CTCF: variants seen among roughly 807,000 people sequenced by gnomAD.
CTCF encodes the protein transcriptional repressor CTCF.
In CTCF, 7 loss-of-function variants were observed where a neutral mutation model predicts 72.3. The observed-to-expected ratio is 0.10, with a 90% confidence interval of 0.06 to 0.18. CTCF has a LOEUF of 0.18. CTCF is among the 10% of genes least tolerant of loss of function. CTCF has a pLI of 1.00. For synonymous variants in CTCF, 374 were observed against 315.8 expected, an observed-to-expected ratio of 1.18 and a Z score of -1.95; for missense variants, 516 against 949.1, an observed-to-expected ratio of 0.54 and a Z score of 6.00.
chr16:67,624,119 GTGTGTGTATA>G (rs2052247585), intron 7 of CTCF, among the ~76,000 whole-genome samples: 1 of 121,802 alleles, frequency 8.2e-6, no homozygotes, highest in East Asian at 2.1e-4. Flanking sequence ...GTGTGTGTAT[GTGTGTGTATA>G]TATATGTGTG....
intron 7 of CTCF, among the ~76,000 whole-genome samples, chr16:67,621,800 A>AC (rs2052202933): frequency 7.3e-6 from 1 of 137,240 alleles, no homozygotes; most frequent in Non-Finnish European, 1.5e-5. Flanking sequence ...TAGTCAGGCC[A>AC]CAAGATTCTG....
chr16:67,593,676 A>G (rs1320924329), intron 2 of CTCF, among the ~76,000 whole-genome samples: 1 of 152,126 alleles, frequency 6.6e-6, no homozygotes, highest in Non-Finnish European at 1.5e-5. Flanking sequence ...CTGCTAATGT[A>G]TTTCTTACCA....
intron 2 of CTCF, among the ~76,000 whole-genome samples, chr16:67,604,730 G>GTTTTTTTTT (rs533827293): frequency 2.3e-4 from 28 of 123,708 alleles, no homozygotes; most frequent in East Asian, 4.4e-4. Context: ...TTTCACCAGG[G>GTTTTTTTTT]TTTTTTTTTT....
At chr16:67,571,851 A>G (rs1336464111) in intron 2 of CTCF, among the ~76,000 whole-genome samples, 1 of 152,190 alleles carries the variant, frequency 6.6e-6, no homozygotes, top group African/African-American at 2.4e-5. Flanking sequence ...TTTTTGCTAT[A>G]AAATATAATG....
intron 2 of CTCF, among the ~76,000 whole-genome samples, chr16:67,575,334 G>A (rs558222822): frequency 6.6e-6 from 1 of 152,154 alleles, no homozygotes; most frequent in Non-Finnish European, 1.5e-5. Context: ...CACTTTGGGA[G>A]GATGAATTTT....
intron 10 of CTCF, 140 bp from the exon 11 acceptor site, chr16:67,636,545 CAAAAA>C: frequency 6.7e-6 from 1 of 149,990 alleles, no homozygotes; most frequent in Non-Finnish European, 1.1e-5. Context: ...GAGACTGTCT[CAAAAA>C]AAAAAAAAGA....
At chr16:67,592,868 A>C (rs1378458802) in intron 2 of CTCF, among the ~76,000 whole-genome samples, 1 of 151,942 alleles carries the variant, frequency 6.6e-6, no homozygotes, top group East Asian at 1.9e-4. Flanking sequence ...CTCTACTAAA[A>C]ATACAAAAAT....
chr16:67,579,634 C>T (rs1597685109), intron 2 of CTCF, among the ~76,000 whole-genome samples: 1 of 152,168 alleles, frequency 6.6e-6, no homozygotes, highest in Non-Finnish European at 1.5e-5. Context: ...CCCTGGCCTC[C>T]CAACTGCCCA....
At chr16:67,619,067 A>G (rs564730162) in intron 5 of CTCF, among the ~76,000 whole-genome samples, 1 of 152,348 alleles carries the variant, frequency 6.6e-6, no homozygotes, top group East Asian at 1.9e-4. Context: ...TAAATAGGGA[A>G]ATCTTGAAGG....
chr16:67,611,821 G>C lies in CTCF; in HGVS notation c.782-130G>C, dbSNP rs1427235714. The C allele has an allele frequency of 1.2e-5, 11 of 951,154 alleles. No homozygotes were observed. In the Admixed American group the frequency reaches 2.5e-4, roughly 22 times the overall value. The allele number at this position is 951,154 out of a possible 1,614,324, so 58.9% of individuals were successfully genotyped here. A position where few individuals can be genotyped will look rare whatever the true frequency, so the allele number is the denominator to read the frequency against. ...GAAGAAGGAAATGTATTAGTGACATGAGATAATTATGACTTATATTGGGTT... is the reference window on the plus strand; with the variant it reads ...GAAGAAGGAAATGTATTAGTGACATCAGATAATTATGACTTATATTGGGTT... On this transcript the variant is annotated intron_variant, in intron 3 of 11. Coordinates refer to ENST00000264010, the MANE Select transcript of CTCF (RefSeq NM_006565.4).
intron 1 of CTCF, among the ~76,000 whole-genome samples, chr16:67,565,067 T>A (rs1175243799): frequency 6.6e-6 from 1 of 151,846 alleles, no homozygotes; most frequent in African/African-American, 2.4e-5. Flanking sequence ...AGTGGTGCGA[T>A]CTCGGCTCAC....
chr16:67,620,861 A>T lies in CTCF; in HGVS notation c.1207+44A>T, dbSNP rs771221712. 3 of 1,503,234 alleles carry T rather than the reference A, an allele frequency of 2.0e-6. No homozygotes were observed. The African/African-American group carries it at 4.1e-5, about 21-fold the overall frequency. The allele number at this position is 1,503,234 out of a possible 1,614,324, so 93.1% of individuals were successfully genotyped here. Reference sequence around the variant, plus strand: ...TTACTGTATTAATGAGCTTCTTTTCAGTGAATCCCATGGGACCCTGTGGAC... The same window carrying T: ...TTACTGTATTAATGAGCTTCTTTTCTGTGAATCCCATGGGACCCTGTGGAC... On this transcript the variant is annotated intron_variant, in intron 6 of 11. Transcript: ENST00000264010.
intron 2 of CTCF, among the ~76,000 whole-genome samples, chr16:67,579,041 G>A (rs2051543780): frequency 6.6e-6 from 1 of 151,610 alleles, no homozygotes; most frequent in Non-Finnish European, 1.5e-5. Flanking sequence ...GATCACCTGA[G>A]GTCAGGAGTT....
chr16:67,571,429 G>C (rs552447148), intron 2 of CTCF, among the ~76,000 whole-genome samples, 165 bp downstream of exon 2: 1 of 152,268 alleles, frequency 6.6e-6, no homozygotes, highest in South Asian at 2.1e-4. Flanking sequence ...AACTCTTTAC[G>C]ATGATATACT....
At chr16:67,562,937 C>G (rs2051296196) in intron 1 of CTCF, among the ~76,000 whole-genome samples, 1 of 145,230 alleles carries the variant, frequency 6.9e-6, no homozygotes, top group African/African-American at 2.5e-5. Flanking sequence ...GCCCGCCCGC[C>G]CGCCCGCTAG....
chr16:67,580,067 A>G (rs1472521323), intron 2 of CTCF, among the ~76,000 whole-genome samples: 1 of 152,154 alleles, frequency 6.6e-6, no homozygotes, highest in African/African-American at 2.4e-5. Context: ...GCTGTGTGAA[A>G]AATGGTGGGT....
chr16:67,621,208 T>C, intron 6 of CTCF: 2 of 437,716 alleles, frequency 4.6e-6, no homozygotes, highest in Non-Finnish European at 8.2e-6. Flanking sequence ...TAAGCATTGC[T>C]GTAATGTGGA....
intron 2 of CTCF, among the ~76,000 whole-genome samples, chr16:67,586,736 C>G (rs2051673963): frequency 1.3e-5 from 2 of 151,902 alleles, no homozygotes; most frequent in Admixed American, 1.3e-4. Context: ...TTTTATTCTT[C>G]ATAGCTATTC....
intron 2 of CTCF, among the ~76,000 whole-genome samples, chr16:67,582,924 C>T (rs1286735472): frequency 6.6e-6 from 1 of 151,616 alleles, no homozygotes; most frequent in Non-Finnish European, 1.5e-5. Flanking sequence ...GCTGTAAATA[C>T]TCTACACATT....
Sources: gnomAD v4.1 joint callset for allele counts (sites outside exome capture counted in the v4.1 genomes callset) on GRCh38, gnomAD v4.1.1 for gene constraint, MANE v1.5 for transcripts, NCBI Gene and HGNC (gene_info 2026-07-23, HGNC 2026-07-21) for gene names.